Variants in ITPR2 observed in about 807,000 individuals in gnomAD.
The protein encoded by ITPR2 is inositol 1,4,5-trisphosphate-gated calcium channel ITPR2.
In ITPR2, 207 loss-of-function variants were observed where a neutral mutation model predicts 317.1. That is an observed-to-expected ratio of 0.65 (90% CI 0.58 to 0.73). The LOEUF is 0.73. Among genes scored for constraint, ITPR2 ranks in the 30% least tolerant of loss-of-function variants. The probability of loss-of-function intolerance (pLI) is 0.00; values close to 1 mark genes in which losing one functional copy is unlikely to be tolerated. For synonymous variants in ITPR2, 1,156 were observed against 1,149.1 expected, an observed-to-expected ratio of 1.01 and a Z score of -0.12; for missense variants, 2,613 against 3,284.0, an observed-to-expected ratio of 0.80 and a Z score of 4.99.
At chr12:26,744,453 G>A (rs79116881) in intron 2 of ITPR2, among the ~76,000 whole-genome samples, 1,982 of 152,302 alleles carry the variant, frequency 0.013, 23 homozygotes, top group Non-Finnish European at 0.021. Context: ...TATCAGTGAG[G>A]CCTGCCCTGG....
rs1205733930 is a variant in ITPR2, at chr12:26,831,344, T to C, written c.92+1346A>G. ...GGGAATGCACAAGTAACAGGAACTG[T>C]GGAAGTACTGGTGACTTCCACGTCC... On this transcript the variant is annotated intron_variant, in intron 1 of 56. Coordinates refer to ENST00000381340, the MANE Select transcript of ITPR2 (RefSeq NM_002223.4). This position sits in a 1 kb window ranked among gnomAD's most constrained non-coding sequence, Gnocchi z 4.9. Among the ~76,000 whole-genome samples, 2 of 152,134 alleles carry C rather than the reference T, an allele frequency of 1.3e-5. No homozygotes were observed. The highest frequency in any genetic ancestry group is 2.9e-5 in the Non-Finnish European group (2 of 68,024).
chr12:26,656,235 GAC>G, intron 19 of ITPR2, 60 bp downstream of exon 19: 8 of 1,579,992 alleles, frequency 5.1e-6, no homozygotes, highest in Non-Finnish European at 6.9e-6. Context: ...CAAAACTGTA[GAC>G]ATTTGACGTG....
At chr12:26,413,984 T>C (rs141895694) in intron 51 of ITPR2, among the ~76,000 whole-genome samples, 1 of 151,496 alleles carries the variant, frequency 6.6e-6, no homozygotes, top group East Asian at 1.9e-4. Context: ...AGTGTCATCA[T>C]GCCTCAAATC....
At chr12:26,736,642 G>A (rs1173931583) in intron 2 of ITPR2, among the ~76,000 whole-genome samples, 1 of 152,086 alleles carries the variant, frequency 6.6e-6, no homozygotes, top group Non-Finnish European at 1.5e-5. Context: ...TATTAGCCAC[G>A]TCCCCCTTTC....
chr12:26,588,434 C>T (rs900961388), intron 32 of ITPR2, among the ~76,000 whole-genome samples: 2 of 152,032 alleles, frequency 1.3e-5, no homozygotes, highest in Non-Finnish European at 2.9e-5. Flanking sequence ...TTCTTCACTT[C>T]CCTGAAATAT....
intron 32 of ITPR2, among the ~76,000 whole-genome samples, chr12:26,580,804 T>G (rs944416539): frequency 6.6e-6 from 1 of 152,192 alleles, no homozygotes; most frequent in African/African-American, 2.4e-5. Context: ...CATCCCTGGC[T>G]CGTGCTCTGA....
intron 2 of ITPR2, among the ~76,000 whole-genome samples, chr12:26,733,424 C>T (rs1245713315): frequency 6.6e-6 from 1 of 151,698 alleles, no homozygotes; most frequent in Non-Finnish European, 1.5e-5. Flanking sequence ...TGCAACACAA[C>T]ACAACCTCTA....
chr12:26,784,558 G>A (rs1341495467), intron 2 of ITPR2, among the ~76,000 whole-genome samples: 3 of 151,608 alleles, frequency 2.0e-5, no homozygotes, highest in Non-Finnish European at 4.4e-5. Flanking sequence ...TGGCCGGGCT[G>A]GTCTCCAGCT....
intron 2 of ITPR2, among the ~76,000 whole-genome samples, chr12:26,752,707 T>C (rs1949447517): frequency 6.6e-6 from 1 of 152,214 alleles, no homozygotes; most frequent in Non-Finnish European, 1.5e-5. Flanking sequence ...GCTTTCACTT[T>C]ACGGACTCGC....
intron 2 of ITPR2, among the ~76,000 whole-genome samples, chr12:26,751,040 T>C (rs1009071889): frequency 1.3e-5 from 2 of 149,518 alleles, no homozygotes; most frequent in Non-Finnish European, 3.0e-5. Flanking sequence ...GGGCAGGGGG[T>C]TCAAAAAGGG....
At chr12:26,821,185 T>C (rs985371062) in intron 1 of ITPR2, among the ~76,000 whole-genome samples, 1 of 152,200 alleles carries the variant, frequency 6.6e-6, no homozygotes, top group African/African-American at 2.4e-5. Flanking sequence ...AATCTGACTA[T>C]TAAGATGCCT....
chr12:26,721,104 T>C (rs1948830431), intron 5 of ITPR2, among the ~76,000 whole-genome samples: 1 of 152,146 alleles, frequency 6.6e-6, no homozygotes, highest in African/African-American at 2.4e-5. Flanking sequence ...AATCAGTCCC[T>C]GAACAATTGA....
intron 1 of ITPR2, among the ~76,000 whole-genome samples, chr12:26,823,863 A>C (rs924914373): frequency 3.3e-5 from 5 of 152,160 alleles, no homozygotes; most frequent in African/African-American, 4.8e-5. Flanking sequence ...CTCCTCAAAA[A>C]CTAACACTAT....
intron 24 of ITPR2, among the ~76,000 whole-genome samples, chr12:26,623,188 C>T (rs891939280): frequency 6.6e-6 from 1 of 152,176 alleles, no homozygotes; most frequent in Non-Finnish European, 1.5e-5. Flanking sequence ...GTTTCAGTTG[C>T]CCATGGTCAA....
intron 49 of ITPR2, among the ~76,000 whole-genome samples, chr12:26,421,057 A>C (rs1045256272): frequency 2.0e-4 from 31 of 152,164 alleles, no homozygotes; most frequent in Non-Finnish European, 1.2e-4. Flanking sequence ...TATGATTTCT[A>C]ATTCTCCAAA....
At chr12:26,694,156 T>C (rs1948291081) in intron 10 of ITPR2, among the ~76,000 whole-genome samples, 1 of 152,216 alleles carries the variant, frequency 6.6e-6, no homozygotes, top group Non-Finnish European at 1.5e-5. Context: ...CTGTTCTCTG[T>C]TGAACAATTT....
intron 53 of ITPR2, among the ~76,000 whole-genome samples, chr12:26,399,634 C>T (rs1051347268): frequency 1.3e-5 from 2 of 152,186 alleles, no homozygotes; most frequent in East Asian, 3.8e-4. Flanking sequence ...ATTCTTCAAG[C>T]TCCCAGCCTG....
chr12:26,727,080 A>C (rs1336977972), intron 2 of ITPR2, among the ~76,000 whole-genome samples: 2 of 152,226 alleles, frequency 1.3e-5, no homozygotes, highest in Admixed American at 6.5e-5. Flanking sequence ...CAATTACAGT[A>C]TGATACAGGA....
chr12:26,804,325 A>G (rs1233358505), intron 1 of ITPR2, among the ~76,000 whole-genome samples: 2 of 152,228 alleles, frequency 1.3e-5, no homozygotes, highest in East Asian at 1.9e-4. Flanking sequence ...ATTTCTGTGC[A>G]CAAAGAAAAT....
Sources: allele counts gnomAD v4.1 joint callset (sites outside exome capture counted in the v4.1 genomes callset), GRCh38; gene constraint gnomAD v4.1.1; non-coding constraint Gnocchi (gnomAD v3.1); transcripts MANE v1.5; gene names NCBI Gene and HGNC (gene_info 2026-07-23, HGNC 2026-07-21).